BARX2: variants seen among roughly 807,000 people sequenced by gnomAD.
The protein encoded by BARX2 is BARX homeobox 2, also known as homeobox protein BarH-like 2.
In BARX2, 11 loss-of-function variants were observed where a neutral mutation model predicts 25.5. That is an observed-to-expected ratio of 0.43 (90% confidence interval 0.27 to 0.71). The LOEUF (loss-of-function observed/expected upper bound fraction) is 0.71, where lower values mean the gene tolerates loss of function less well. Ranked by LOEUF, BARX2 falls within the 30% of genes least tolerant of loss-of-function variation. The probability of loss-of-function intolerance (pLI) is 0.19; values close to 1 mark genes in which losing one functional copy is unlikely to be tolerated. For missense variants in BARX2, 360 were observed against 359.9 expected (o/e 1.00, Z 0.00); for synonymous variants, 137 against 149.5 (o/e 0.92, Z 0.61).
intron 1 of BARX2, among the ~76,000 whole-genome samples, chr11:129,434,004 G>A (rs923800809): frequency 2.6e-5 from 4 of 152,096 alleles, no homozygotes; most frequent in African/African-American, 9.7e-5. Context: ...AGGATTAGAT[G>A]CAAATGTGTA....
At position 129,376,500 on chromosome 11, in the gene BARX2, G is replaced by A. The variant is rs958335513; in HGVS notation, c.187+278G>A. Reference sequence around the variant, plus strand: ...CCTGCTCGGAGGAGAACGCTTCCTCGTTTCCTGCTGAAAGTTCAAACACTT... The same window carrying A: ...CCTGCTCGGAGGAGAACGCTTCCTCATTTCCTGCTGAAAGTTCAAACACTT... On this transcript the variant is annotated intron_variant, in intron 1 of 3. Transcript: ENST00000281437. The surrounding 1 kb of genome is among the most constrained non-coding windows in gnomAD (Gnocchi z 4.2). Among the ~76,000 whole-genome samples the A allele has an allele frequency of 8.5e-5, 13 of 152,198 alleles. No individual in the cohort carries two copies. The highest frequency in any genetic ancestry group is 7.9e-4 in the Admixed American group (12 of 15,286).
At chr11:129,441,636 AT>A (rs1314422949) in intron 2 of BARX2, among the ~76,000 whole-genome samples, 8 of 136,710 alleles carry the variant, frequency 5.9e-5, no homozygotes, top group Non-Finnish European at 1.2e-4. Flanking sequence ...TTTAGTAGAG[AT>A]GGGGGTCTCA....
intron 1 of BARX2, among the ~76,000 whole-genome samples, chr11:129,432,445 C>T (rs1862140232): frequency 6.6e-6 from 1 of 152,194 alleles, no homozygotes; most frequent in South Asian, 2.1e-4. Flanking sequence ...ACCCAAACAT[C>T]TTTTGACATA....
At chr11:129,426,657 G>A (rs1257906874) in intron 1 of BARX2, among the ~76,000 whole-genome samples, 6 of 152,234 alleles carry the variant, frequency 3.9e-5, no homozygotes, top group Non-Finnish European at 5.9e-5. Context: ...GATTATAGGC[G>A]TGAGCCACCA....
intron 1 of BARX2, among the ~76,000 whole-genome samples, chr11:129,399,505 C>T (rs1861755235): frequency 6.6e-6 from 1 of 152,124 alleles, no homozygotes; most frequent in South Asian, 2.1e-4. Flanking sequence ...AGGATTGACA[C>T]AGGACAGGTG....
At chr11:129,385,615 A>G (rs1490668657) in intron 1 of BARX2, among the ~76,000 whole-genome samples, 1 of 152,212 alleles carries the variant, frequency 6.6e-6, no homozygotes, top group African/African-American at 2.4e-5. Context: ...TTGTTTAGAG[A>G]GGCAGGGGCA....
chr11:129,378,246 A>C (rs371439887), intron 1 of BARX2, among the ~76,000 whole-genome samples: 2 of 152,224 alleles, frequency 1.3e-5, no homozygotes, highest in South Asian at 2.1e-4. Flanking sequence ...TAAAATATAG[A>C]AACTGGGATT....
intron 1 of BARX2, among the ~76,000 whole-genome samples, chr11:129,412,071 C>G (rs1861894404): frequency 6.6e-6 from 1 of 152,012 alleles, no homozygotes; most frequent in Admixed American, 6.5e-5. Flanking sequence ...AGGAGATTGA[C>G]ACCATCCTGG....
intron 1 of BARX2, among the ~76,000 whole-genome samples, chr11:129,420,614 G>A (rs1003012309): frequency 1.8e-4 from 28 of 152,174 alleles, no homozygotes; most frequent in African/African-American, 6.0e-4. Context: ...TTTGCCTTTC[G>A]TAGTTACAGT....
intron 1 of BARX2, among the ~76,000 whole-genome samples, chr11:129,405,759 C>G (rs927282556): frequency 6.6e-6 from 1 of 152,198 alleles, no homozygotes; most frequent in African/African-American, 2.4e-5. Flanking sequence ...CTAGTCTCCA[C>G]GTCATGCATG....
At chr11:129,426,207 C>T (rs902159935) in intron 1 of BARX2, among the ~76,000 whole-genome samples, 2 of 152,070 alleles carry the variant, frequency 1.3e-5, no homozygotes, top group African/African-American at 4.8e-5. Context: ...TTTGTATTTC[C>T]TCCCTCCCTC....
At chr11:129,392,601 A>C (rs997376725) in intron 1 of BARX2, among the ~76,000 whole-genome samples, 4 of 152,066 alleles carry the variant, frequency 2.6e-5, no homozygotes, top group Middle Eastern at 6.8e-3. Flanking sequence ...ATATGAATTA[A>C]CTTTTTTTTT....
At chr11:129,407,302 C>T (rs1282636449) in intron 1 of BARX2, among the ~76,000 whole-genome samples, 4 of 152,294 alleles carry the variant, frequency 2.6e-5, no homozygotes, top group East Asian at 1.9e-4. Context: ...ACCTGTTTTG[C>T]GTATGATGCT....
intron 1 of BARX2, among the ~76,000 whole-genome samples, chr11:129,401,718 G>A (rs1048753607): frequency 3.3e-5 from 5 of 152,164 alleles, no homozygotes; most frequent in African/African-American, 1.2e-4. Flanking sequence ...CACTTTGGGA[G>A]GCTGAGGCGG....
At chr11:129,416,514 C>T (rs947933885) in intron 1 of BARX2, among the ~76,000 whole-genome samples, 10 of 152,152 alleles carry the variant, frequency 6.6e-5, no homozygotes, top group African/African-American at 2.2e-4. Context: ...AATCTTGACA[C>T]TAAGGATTTA....
intron 1 of BARX2, among the ~76,000 whole-genome samples, chr11:129,414,926 G>A (rs1489813806): frequency 1.3e-5 from 2 of 152,196 alleles, no homozygotes; most frequent in East Asian, 1.9e-4. Context: ...ATTAATGGAC[G>A]AATGGCCTCA....
intron 1 of BARX2, among the ~76,000 whole-genome samples, chr11:129,432,694 T>C (rs1314896496): frequency 2.0e-5 from 3 of 152,224 alleles, no homozygotes; most frequent in Non-Finnish European, 4.4e-5. Flanking sequence ...TTATTCTTTT[T>C]GACAAACTGA....
At chr11:129,427,045 A>T (rs915192309) in intron 1 of BARX2, among the ~76,000 whole-genome samples, 1 of 152,192 alleles carries the variant, frequency 6.6e-6, no homozygotes, top group African/African-American at 2.4e-5. Flanking sequence ...GAAGATACGT[A>T]TGCATGCTTC....
In BARX2 at chr11:129,451,985, A is replaced by T. The variant is rs1414378188; in HGVS notation, c.*583A>T. 1.3e-5 allele frequency: 2 copies of T among 151,994 alleles called. No homozygotes were observed. Among genetic ancestry groups the T allele is most frequent in the African/African-American group, 2.4e-5 (1 of 41,222 alleles). 9.4% of individuals were successfully genotyped at this position (151,994 alleles called of 1,614,324 possible). ...TGTTTGAAGACACGTGTGCCTTTGT[A>T]CCCATTATAAGATGGTCATAAGACC... On this transcript the variant is annotated 3_prime_UTR_variant, in exon 4 of 4. Transcript: ENST00000281437.
Sources: gnomAD v4.1 joint callset for allele counts (sites outside exome capture counted in the v4.1 genomes callset) on GRCh38, gnomAD v4.1.1 for gene constraint, Gnocchi (gnomAD v3.1) non-coding constraint, MANE v1.5 for transcripts, NCBI Gene and HGNC (gene_info 2026-07-23, HGNC 2026-07-21) for gene names.